Variants in EGLN2 observed in about 807,000 individuals in gnomAD.
EGLN2 encodes the protein egl-9 family hypoxia inducible factor 2, also known as prolyl hydroxylase EGLN2.
In EGLN2, 15 loss-of-function variants were observed where a neutral mutation model predicts 38.2. The ratio of observed to expected loss-of-function variants is 0.39; its 90% CI spans 0.26 to 0.60. EGLN2 has a LOEUF of 0.60. EGLN2 is among the 20% of genes least tolerant of loss of function. The pLI is 0.50. For synonymous variants in EGLN2, 284 were observed against 237.4 expected (o/e 1.20, Z -1.81); for missense variants, 492 against 570.4 (o/e 0.86, Z 1.40).
Position 40,807,096 on chromosome 19 carries a change from C to A in EGLN2, c.964-42C>A, listed in dbSNP as rs1187849115. The A allele has an allele frequency of 3.7e-6, 6 of 1,608,038 alleles. No individual in the cohort carries two copies. In the African/African-American group the frequency reaches 6.7e-5, roughly 18 times the overall value. On this transcript the variant is annotated intron_variant, in intron 3 of 5. Coordinates refer to ENST00000303961, the MANE Select transcript of EGLN2 (RefSeq NM_080732.4). Reference sequence around the variant, plus strand: ...CGGGGCACCGTGGGAGGCAGCGGCTCCTGGCCGTACCAGCTAGCCTCATCC... The same window carrying A: ...CGGGGCACCGTGGGAGGCAGCGGCTACTGGCCGTACCAGCTAGCCTCATCC...
intron 1 of EGLN2, chr19:40,799,671 C>T (rs2083236145): frequency 6.6e-6 from 1 of 152,168 alleles, no homozygotes; most frequent in Admixed American, 6.5e-5. Context: ...TTTCCTCTGT[C>T]GCCGCGGACC....
In EGLN2 at chr19:40,800,906, G is replaced by T. The variant is rs1158264174; in HGVS notation, c.334G>T (p.Ala112Ser). 18 of 1,609,390 alleles carry T rather than the reference G, an allele frequency of 1.1e-5. No individual in the cohort carries two copies. Among genetic ancestry groups the T allele is most frequent in the Non-Finnish European group, 1.5e-5 (18 of 1,178,364 alleles). ...KGCQRLAAQG[A>S]RPEAPKRKWA... ...GTGCCAGCGATTGGCAGCCCAGGGC[G>T]CACGGCCTGAGGCCCCCAAACGGAA... The change falls in exon 2 of 6, where the codon GCA (alanine) becomes TCA (serine). Residue 112 changes from alanine to serine, a missense_variant. By Grantham distance (99) the Ala-to-Ser change is moderately conservative (BLOSUM62 1). Transcript: ENST00000303961.
rs2083257239 is a variant in EGLN2 at position 40,801,404 on chromosome 19, G to A, written c.832G>A (p.Gly278Arg). The A allele has an allele frequency of 1.9e-6, 3 of 1,604,774 alleles. No homozygotes were observed. Among genetic ancestry groups the A allele is most frequent in the Non-Finnish European group, 2.5e-6 (3 of 1,178,392 alleles). The change falls in exon 2 of 6, where the codon GGG becomes AGG. Residue 278 changes from glycine to arginine, a missense_variant. By Grantham distance (125) the Gly-to-Arg change is moderately radical. Around this residue, in one of 2 missense-constraint regions of EGLN2, gnomAD observed 114 missense variants for 184.2 expected, o/e 0.62. Coordinates refer to ENST00000303961, the MANE Select transcript of EGLN2 (RefSeq NM_080732.4). Reference sequence around the variant, plus strand: ...GCGGCTGGGCAGCTATGTCATCAACGGGCGCACCAAGGTAAGGCTAGGTGG... The same window carrying A: ...GCGGCTGGGCAGCTATGTCATCAACAGGCGCACCAAGGTAAGGCTAGGTGG... ...AGRLGSYVIN[G>R]RTKAMVACYP...
intron 2 of EGLN2, among the ~76,000 whole-genome samples, chr19:40,803,595 G>T (rs1326767498): frequency 6.6e-6 from 1 of 152,170 alleles, no homozygotes; most frequent in Non-Finnish European, 1.5e-5. Flanking sequence ...TGTGGCTAGA[G>T]CCAGTAGAAA....
chr19:40,807,071 C>T (rs891771877), intron 3 of EGLN2, 67 bp from the exon 4 acceptor site: 12 of 1,597,980 alleles, frequency 7.5e-6, no homozygotes, highest in Middle Eastern at 1.7e-4. Context: ...AGTGGGCTCC[C>T]GGGGCACCGT....
At chr19:40,806,271 C>CAG in intron 2 of EGLN2, 1 of 440,484 alleles carries the variant, frequency 2.3e-6, no homozygotes, top group South Asian at 2.9e-5. Context: ...TGAAACAAAT[C>CAG]AAACTCTGTT....
At chr19:40,800,141 G>C in intron 1 of EGLN2, 198 bp from the exon 2 acceptor site, 1 of 189,534 alleles carries the variant, frequency 5.3e-6, no homozygotes, top group Non-Finnish European at 1.1e-5. Context: ...CCCTATCACT[G>C]CCTCTTATCT....
At position 40,801,062 on chromosome 19, in the gene EGLN2, G is replaced by A. The variant is rs1324881399; in HGVS notation, c.490G>A (p.Gly164Arg). 6.2e-7 allele frequency: 1 copy of A among 1,612,908 alleles called. No homozygotes were observed. The highest frequency in any genetic ancestry group is 8.5e-7 in the Non-Finnish European group (1 of 1,179,850). The change falls in exon 2 of 6, where the codon GGG becomes AGG. Residue 164 changes from glycine to arginine, a missense_variant. Physicochemically the swap from Gly to Arg is moderately radical, Grantham distance 125. Transcript: ENST00000303961. ...CAGTGGCAGTGGTGAGGCCAGTGCT[G>A]GGCTGATGGAGGAGGCGCTGCCCTC... ...CSSGSGEASA[G>R]LMEEALPSAP...
rs112871608 is a variant in EGLN2 at position 40,807,059 on chromosome 19, C to G, written c.964-79C>G. ...GTGATGCAGGCAGACGCTGCGCCTC[C>G]TAGTGGGCTCCCGGGGCACCGTGGG... On this transcript the variant is annotated intron_variant, in intron 3 of 5. Transcript: ENST00000303961. 546 of 1,590,924 alleles carry G rather than the reference C, an allele frequency of 3.4e-4. 4 individuals carry two copies. In the African/African-American group the frequency reaches 6.3e-3, roughly 18 times the overall value.
At chr19:40,807,371 A>T in intron 4 of EGLN2, 97 bp downstream of exon 4, 1 of 1,603,136 alleles carries the variant, frequency 6.2e-7, no homozygotes, top group Non-Finnish European at 8.5e-7. Flanking sequence ...AAGTATTGAG[A>T]GGGGGCCTAG....
At chr19:40,806,795 A>G (rs987190075) in intron 3 of EGLN2, 121 bp downstream of exon 3, 63 of 1,369,470 alleles carry the variant, frequency 4.6e-5, no homozygotes, top group Non-Finnish European at 6.3e-5. Context: ...TCTCTTCTCA[A>G]CACACAGCGG....
In EGLN2 at chr19:40,808,300, C is replaced by T; in HGVS notation, c.*436C>T. 2.4e-6 allele frequency: 1 copy of T among 415,234 alleles called. No individual in the cohort carries two copies. Among genetic ancestry groups the T allele is most frequent in the Non-Finnish European group, 4.3e-6 (1 of 234,804 alleles). 25.7% of individuals were successfully genotyped at this position (415,234 alleles called of 1,614,324 possible). On this transcript the variant is annotated 3_prime_UTR_variant, in exon 6 of 6. Transcript: ENST00000303961. ...TCCAGCCTGGAATGTGAAGTGACTC[C>T]CCAACCCCTTTGGCCATGGCAGGCA...
intron 2 of EGLN2, among the ~76,000 whole-genome samples, chr19:40,802,418 C>A (rs949688415): frequency 1.5e-4 from 23 of 152,206 alleles, no homozygotes; most frequent in African/African-American, 5.3e-4. Flanking sequence ...CTGTGTGTCA[C>A]TTCCTCCCTA....
At chr19:40,805,614 C>A (rs2083295530) in intron 2 of EGLN2, 1 of 152,228 alleles carries the variant, frequency 6.6e-6, no homozygotes, top group South Asian at 2.1e-4. Flanking sequence ...ATTTCCTTTA[C>A]CTCTCAGCCA....
chr19:40,800,925 A>T lies in EGLN2; in HGVS notation c.353A>T (p.Lys118Ile). The change falls in exon 2 of 6, where the codon AAA becomes ATA. Residue 118 changes from lysine (K) to isoleucine (I), a missense_variant. Around this residue, in one of 2 missense-constraint regions of EGLN2, gnomAD observed 378 missense variants for 386.2 expected, o/e 0.98. Coordinates refer to ENST00000303961, the MANE Select transcript of EGLN2 (RefSeq NM_080732.4). Reference sequence around the variant, plus strand: ...CAGGGCGCACGGCCTGAGGCCCCCAAACGGAAATGGGCCGAGGATGGTGGG... The same window carrying T: ...CAGGGCGCACGGCCTGAGGCCCCCATACGGAAATGGGCCGAGGATGGTGGG... ...AAQGARPEAP[K>I]RKWAEDGGDA... The T allele has an allele frequency of 1.9e-6, 3 of 1,609,966 alleles. No individual in the cohort carries two copies. The highest frequency in any genetic ancestry group is 2.5e-6 in the Non-Finnish European group (3 of 1,178,622).
Position 40,807,875 on chromosome 19 carries a change from C to T in EGLN2, c.*11C>T. 6.2e-7 allele frequency: 1 copy of T among 1,613,906 alleles called. No individual in the cohort carries two copies. The highest frequency in any genetic ancestry group is 8.5e-7 in the Non-Finnish European group (1 of 1,179,826). ...CCTACGCCCACCTAGTGGCCAGTCC[C>T]AGAGCCGCATGGCAGACAGCTTAAA... On this transcript the variant is annotated 3_prime_UTR_variant, in exon 6 of 6. Transcript: ENST00000303961.
At chr19:40,806,497 C>T in intron 2 of EGLN2, 58 bp from the exon 3 acceptor site, 2 of 1,603,642 alleles carry the variant, frequency 1.2e-6, no homozygotes, top group Non-Finnish European at 1.7e-6. Context: ...TTCATGGCTG[C>T]TTCTCTAAGA....
chr19:40,806,992 C>G, intron 3 of EGLN2, 146 bp from the exon 4 acceptor site: 4 of 1,271,498 alleles, frequency 3.1e-6, no homozygotes, highest in Non-Finnish European at 1.1e-6. Flanking sequence ...GATGCAGTCT[C>G]TGGGTTGTCA....
intron 2 of EGLN2, chr19:40,805,359 A>C (rs1453233719): frequency 1.3e-5 from 2 of 152,180 alleles, no homozygotes; most frequent in Non-Finnish European, 2.9e-5. Context: ...GGACCTTTTA[A>C]AATTTTTAAA....
Sources: gnomAD v4.1 joint callset for allele counts (sites outside exome capture counted in the v4.1 genomes callset) on GRCh38, gnomAD v4.1.1 for gene constraint, gnomAD v4.1.1 regional missense constraint, MANE v1.5 for transcripts, NCBI Gene and HGNC (gene_info 2026-07-23, HGNC 2026-07-21) for gene names.